CERS6: variants seen among roughly 807,000 people sequenced by gnomAD.
CERS6 encodes the protein ceramide synthase 6.
CERS6 carries 26 observed loss-of-function variants against 56.8 expected under a neutral mutation model. The ratio of observed to expected loss-of-function variants is 0.46; its 90% CI spans 0.34 to 0.63. The LOEUF is 0.63. Among genes scored for constraint, CERS6 ranks in the 30% least tolerant of loss-of-function variants. CERS6 has a pLI of 0.01. For missense variants in CERS6, 415 were observed against 467.5 expected, an observed-to-expected ratio of 0.89 and a Z score of 1.04; for synonymous variants, 164 against 173.3, an observed-to-expected ratio of 0.95 and a Z score of 0.42.
At chr2:168,600,607 A>C (rs1339846583) in intron 3 of CERS6, among the ~76,000 whole-genome samples, 2 of 152,210 alleles carry the variant, frequency 1.3e-5, no homozygotes, top group Non-Finnish European at 2.9e-5. Flanking sequence ...TCTGCAGTTC[A>C]ACCCCTTGGC....
chr2:168,459,455 T>C (rs1437339588), intron 1 of CERS6, among the ~76,000 whole-genome samples: 1 of 152,230 alleles, frequency 6.6e-6, no homozygotes. Context: ...GACAGCAATA[T>C]GGAAGCCCAG....
In CERS6 at chr2:168,715,066, C is replaced by A. The variant is rs770321860; in HGVS notation, c.675C>A (p.Asn225Lys). 6.2e-7 allele frequency: 1 copy of A among 1,612,502 alleles called. No homozygotes were observed. Among genetic ancestry groups the A allele is most frequent in the East Asian group, 2.2e-5 (1 of 44,812 alleles). ...SIFLITFSYV[N>K]NMARVGTLVL... Reference sequence around the variant, plus strand: ...TCTTGATTACCTTTTCATATGTCAACAATATGGCCCGAGTAGGAACGCTGG... The same window carrying A: ...TCTTGATTACCTTTTCATATGTCAAAAATATGGCCCGAGTAGGAACGCTGG... The change falls in exon 7 of 10, where the codon AAC (asparagine) becomes AAA (lysine). Residue 225 changes from asparagine to lysine, a missense_variant. Coordinates refer to ENST00000305747, the MANE Select transcript of CERS6 (RefSeq NM_203463.3).
At chr2:168,751,665 A>G (rs1428815296) in intron 8 of CERS6, among the ~76,000 whole-genome samples, 1 of 152,154 alleles carries the variant, frequency 6.6e-6, no homozygotes, top group African/African-American at 2.4e-5. Flanking sequence ...CACAGTTTCC[A>G]TAACATTCTT....
chr2:168,532,285 C>T (rs560718092), intron 1 of CERS6, among the ~76,000 whole-genome samples: 58 of 152,194 alleles, frequency 3.8e-4, no homozygotes, highest in Non-Finnish European at 6.3e-4. Context: ...TTATGATTTT[C>T]GTTATGTAGA....
chr2:168,456,530 G>A lies in CERS6; in HGVS notation c.82G>A (p.Glu28Lys). ...NVTWADLKNTEEATFPQAEDL... is the reference protein window; with the variant it reads ...NVTWADLKNTKEATFPQAEDL... ...CACCTGGGCGGACCTGAAGAACACG[G>A]AGGAGGCCACCTTCCCGCAGGCTGA... Residue 28 changes from glutamate (E) to lysine (K), a missense_variant, in exon 1 of 10, where the codon GAG becomes AAG. Transcript: ENST00000305747. The surrounding 1 kb of genome is among the most constrained non-coding windows in gnomAD (Gnocchi z 4.1). 6.2e-7 allele frequency: 1 copy of A among 1,614,084 alleles called. No homozygotes were observed. The highest frequency in any genetic ancestry group is 8.5e-7 in the Non-Finnish European group (1 of 1,179,944).
At chr2:168,502,582 G>A (rs920150944) in intron 1 of CERS6, among the ~76,000 whole-genome samples, 6 of 152,190 alleles carry the variant, frequency 3.9e-5, no homozygotes, top group Non-Finnish European at 8.8e-5. Context: ...AGGCATCCAA[G>A]AGGGCCAAAA....
chr2:168,657,604 C>T (rs62174380), intron 4 of CERS6, among the ~76,000 whole-genome samples: 3,269 of 152,344 alleles, frequency 0.021, 59 homozygotes, highest in Non-Finnish European at 0.031. Flanking sequence ...AGCCAAGGCC[C>T]GGCGAGAAAT....
intron 6 of CERS6, among the ~76,000 whole-genome samples, chr2:168,705,114 T>G (rs1686906130): frequency 6.6e-6 from 1 of 152,242 alleles, no homozygotes; most frequent in Admixed American, 6.5e-5. Context: ...CAGAGCTGGC[T>G]TAGCCCGTCC....
chr2:168,660,402 T>G (rs1685600104), intron 4 of CERS6, among the ~76,000 whole-genome samples: 1 of 152,228 alleles, frequency 6.6e-6, no homozygotes, highest in South Asian at 2.1e-4. Flanking sequence ...ACAGTCTCTC[T>G]TTGTTTATAA....
chr2:168,651,785 C>T, intron 4 of CERS6, among the ~76,000 whole-genome samples: 1 of 152,138 alleles, frequency 6.6e-6, no homozygotes, highest in East Asian at 1.9e-4. Context: ...TGGGTGGGGA[C>T]ACAGAGCCAA....
At chr2:168,645,142 T>TAGAGAG (rs35865470) in intron 4 of CERS6, among the ~76,000 whole-genome samples, 252 of 12,744 alleles carry the variant, frequency 0.02, 11 homozygotes, top group Admixed American at 0.027. Context: ...TATATATATA[T>TAGAGAG]AGAGAGAGAG....
intron 5 of CERS6, among the ~76,000 whole-genome samples, chr2:168,693,395 T>A (rs990421152): frequency 4.6e-5 from 7 of 152,122 alleles, no homozygotes; most frequent in African/African-American, 1.4e-4. Context: ...TTCCAGATGC[T>A]CTCTGAGTTG....
intron 3 of CERS6, among the ~76,000 whole-genome samples, chr2:168,583,369 G>A (rs756992622): frequency 1.3e-5 from 2 of 152,174 alleles, no homozygotes; most frequent in Non-Finnish European, 2.9e-5. Flanking sequence ...CTTCAGTTCT[G>A]ACATTCAAGA....
chr2:168,670,120 T>G (rs961000237), intron 4 of CERS6, among the ~76,000 whole-genome samples: 2 of 152,234 alleles, frequency 1.3e-5, no homozygotes, highest in Non-Finnish European at 2.9e-5. Context: ...CTTTTAAAAT[T>G]CTTGCTCTTT....
intron 8 of CERS6, among the ~76,000 whole-genome samples, chr2:168,736,331 G>C (rs985595299): frequency 2.0e-5 from 3 of 152,014 alleles, no homozygotes; most frequent in Non-Finnish European, 4.4e-5. Flanking sequence ...ACCCAAGTGG[G>C]CTTTTTTTTT....
chr2:168,542,373 A>G (rs535621731), intron 1 of CERS6, among the ~76,000 whole-genome samples: 1 of 152,376 alleles, frequency 6.6e-6, no homozygotes, highest in East Asian at 1.9e-4. Flanking sequence ...TGACATTGAT[A>G]CAATCTTCCG....
At chr2:168,766,281 T>A in intron 9 of CERS6, 1 of 1,590,226 alleles carries the variant, frequency 6.3e-7, no homozygotes, top group South Asian at 1.1e-5. Context: ...TCTGTGACAT[T>A]TTCTTACTTG....
intron 1 of CERS6, among the ~76,000 whole-genome samples, chr2:168,502,697 A>G (rs376071315): frequency 2.2e-4 from 33 of 152,326 alleles, no homozygotes; most frequent in African/African-American, 7.7e-4. Context: ...TGCTGTCTAT[A>G]TAAATATTAG....
At chr2:168,759,408 C>T (rs549038468) in intron 8 of CERS6, among the ~76,000 whole-genome samples, 1 of 152,242 alleles carries the variant, frequency 6.6e-6, no homozygotes, top group South Asian at 2.1e-4. Flanking sequence ...GATATGCCAT[C>T]TAGTGGTTAA....
Sources: allele counts gnomAD v4.1 joint callset (sites outside exome capture counted in the v4.1 genomes callset), GRCh38; gene constraint gnomAD v4.1.1; non-coding constraint Gnocchi (gnomAD v3.1); transcripts MANE v1.5; gene names NCBI Gene and HGNC (gene_info 2026-07-23, HGNC 2026-07-21).